Variants in NSD1 observed in about 807,000 individuals in gnomAD.
NSD1 encodes the protein histone-lysine N-methyltransferase, H3 lysine-36 specific.
A neutral mutation model predicts 242.7 loss-of-function variants in NSD1; 26 were observed. The ratio of observed to expected loss-of-function variants is 0.11; its 90% CI spans 0.08 to 0.15. The LOEUF is 0.15. Among genes scored for constraint, NSD1 ranks in the 10% least tolerant of loss-of-function variants. NSD1 has a pLI of 1.00. For synonymous variants in NSD1, 1,106 were observed against 1,178.1 expected (o/e 0.94, Z 1.25); for missense variants, 2,495 against 3,272.8 (o/e 0.76, Z 5.80).
At position 177,190,987 on chromosome 5, in the gene NSD1, T is replaced by C. The variant is rs555467077; in HGVS notation, c.928-897T>C. Among the ~76,000 whole-genome samples, 206 of 141,708 alleles carry C rather than the reference T, an allele frequency of 1.5e-3. 1 individual carries two copies. Among genetic ancestry groups the C allele is most frequent in the South Asian group, 5.5e-3 (24 of 4,368 alleles). 93.0% of individuals were successfully genotyped at this position (141,708 alleles called of 152,430 possible). A position where few individuals can be genotyped will look rare whatever the true frequency, so the allele number is the denominator to read the frequency against. On this transcript the variant is annotated intron_variant, in intron 2 of 22. Coordinates refer to ENST00000439151, the MANE Select transcript of NSD1 (RefSeq NM_022455.5). ...CAGCCTTTTTTTTTTTTTTCTTTTT[T>C]TTTTTTGAAGAGTCTCTCTGTCGCC...
chr5:177,194,105 GT>G (rs1420796730), intron 3 of NSD1, among the ~76,000 whole-genome samples: 10 of 151,904 alleles, frequency 6.6e-5, no homozygotes, highest in African/African-American at 2.4e-4. Context: ...TATACATAAT[GT>G]TTTTTCATAT....
chr5:177,199,338 A>G (rs1037100837), intron 3 of NSD1, among the ~76,000 whole-genome samples: 5 of 152,106 alleles, frequency 3.3e-5, no homozygotes, highest in Admixed American at 6.5e-5. Context: ...GCTCACTGCA[A>G]CCTCTGCCTC....
Position 177,158,938 on chromosome 5 carries a change from G to GTGTA in NSD1, c.927+22909_927+22910insGTAT, listed in dbSNP as rs1554173029. 2.5e-3 allele frequency among the ~76,000 whole-genome samples: 358 copies of GTGTA among 141,774 alleles called. 4 individuals carry two copies. The highest frequency in any genetic ancestry group is 3.7e-3 in the Non-Finnish European group (245 of 66,176). 93.0% of individuals were successfully genotyped at this position (141,774 alleles called of 152,430 possible). ...ATATATAGTTTGTGTGTGTGTGTGT[G>GTGTA]TATATATACACACATATATATATAC... On this transcript the variant is annotated intron_variant, in intron 2 of 22. Transcript: ENST00000439151.
Position 177,295,165 on chromosome 5 carries a change from T to C in NSD1, c.7797T>C (p.Ser2599=). ...LPALAAKSGQ[S]FRSLGKAPAS... Reference sequence around the variant, plus strand: ...CACTTGCCGCCAAGAGTGGGCAATCTTTTAGGTCTCTCGGGAAGGCCCCAG... The same window carrying C: ...CACTTGCCGCCAAGAGTGGGCAATCCTTTAGGTCTCTCGGGAAGGCCCCAG... The change falls in exon 23 of 23, where the codon TCT becomes TCC. Residue 2599 remains serine, a synonymous_variant. Transcript: ENST00000439151. This position sits in a 1 kb window ranked among gnomAD's most constrained non-coding sequence, Gnocchi z 4.3. 1 of 1,614,192 alleles carries C rather than the reference T, an allele frequency of 6.2e-7. No homozygotes were observed. Among genetic ancestry groups the C allele is most frequent in the Non-Finnish European group, 8.5e-7 (1 of 1,180,034 alleles).
intron 2 of NSD1, among the ~76,000 whole-genome samples, chr5:177,174,279 G>A (rs1248993608): frequency 6.6e-6 from 1 of 152,132 alleles, no homozygotes; most frequent in African/African-American, 2.4e-5. Flanking sequence ...ACTTAAACGC[G>A]GGAGGCGGAG....
In NSD1 at chr5:177,292,003, A is replaced by C; in HGVS notation, c.6308A>C (p.Gln2103Pro). 6.2e-7 allele frequency: 1 copy of C among 1,614,118 alleles called. No individual in the cohort carries two copies. The highest frequency in any genetic ancestry group is 8.5e-7 in the Non-Finnish European group (1 of 1,179,994). ...EEKSKKFKKK[Q>P]QGKRRTQGEI... The stretch of plus-strand genomic sequence containing the variant: ...AAGTCAAAGAAATTCAAGAAGAAGC[A>C]ACAGGGAAAGCGCAGGACCCAGGGT... The change falls in exon 22 of 23, where the codon CAA (glutamine) becomes CCA (proline). Residue 2103 changes from glutamine (Q) to proline (P), a missense_variant. Gln to Pro is a moderately conservative substitution (Grantham distance 76, BLOSUM62 -1). This residue lies in a region of NSD1 where 27 missense variants were observed against 33.4 expected (regional missense o/e 0.81). Transcript: ENST00000439151.
rs188487729 is a variant in NSD1, at chr5:177,170,533, A to G, written c.928-21351A>G. 5.8e-3 allele frequency among the ~76,000 whole-genome samples: 874 copies of G among 151,736 alleles called. 7 individuals carry two copies. The highest frequency in any genetic ancestry group is 0.02 in the African/African-American group (840 of 41,382). On this transcript the variant is annotated intron_variant, in intron 2 of 22. Coordinates refer to ENST00000439151, the MANE Select transcript of NSD1 (RefSeq NM_022455.5). ...GCCCGGCTAATTTTTTTTGTATTTT[A>G]GTAGAGACGGGGTTTCACCATGTTG... is the stretch of plus-strand genomic sequence containing the variant.
rs146846853 is a variant in NSD1 at position 177,210,011 on chromosome 5, A to G, written c.1612A>G (p.Ile538Val). ...KIPENLGLNF[I>V]SGDISDTQAS... is the part of the protein sequence containing the mutation. ...TCCAGAGAACCTTGGCCTAAACTTT[A>G]TCTCTGGGGATATATCTGATACGCA... Residue 538 changes from isoleucine (I) to valine (V), a missense_variant, in exon 5 of 23, where the codon ATC becomes GTC. Transcript: ENST00000439151. 2.5e-6 allele frequency: 4 copies of G among 1,614,192 alleles called. No individual in the cohort carries two copies. The highest frequency in any genetic ancestry group is 2.7e-5 in the African/African-American group (2 of 75,052).
upstream of NSD1, among the ~76,000 whole-genome samples, chr5:177,133,438 C>T (rs1472983408): frequency 6.6e-6 from 1 of 151,906 alleles, no homozygotes; most frequent in East Asian, 1.9e-4. This position sits in a 1 kb window ranked among gnomAD's most constrained non-coding sequence, Gnocchi z 6.2. Flanking sequence ...CCACGACGCC[C>T]GCAGGCCCCG....
chr5:177,275,026 G>T (rs1016099640), intron 17 of NSD1, among the ~76,000 whole-genome samples: 1 of 151,470 alleles, frequency 6.6e-6, no homozygotes, highest in African/African-American at 2.4e-5. Flanking sequence ...GAGCCACCAC[G>T]CCCGGCTGTG....
At position 177,242,584 on chromosome 5, in the gene NSD1, A is replaced by G. The variant is rs370444166; in HGVS notation, c.4303-1611A>G. Among the ~76,000 whole-genome samples, 304 of 151,186 alleles carry G rather than the reference A, an allele frequency of 2.0e-3. 1 individual carries two copies. The highest frequency in any genetic ancestry group is 6.3e-3 in the African/African-American group (261 of 41,284). ...CTTTTGTTGTCTAGGCTGGAATGCA[A>G]TGGCACAATCTCGGCTCACCACAAC... On this transcript the variant is annotated intron_variant, in intron 8 of 22. Coordinates refer to ENST00000439151, the MANE Select transcript of NSD1 (RefSeq NM_022455.5).
intron 2 of NSD1, among the ~76,000 whole-genome samples, chr5:177,159,539 C>T (rs1262644838): frequency 6.6e-6 from 1 of 151,600 alleles, no homozygotes; most frequent in Non-Finnish European, 1.5e-5. Context: ...CCACCTAAGC[C>T]TTCCAAAGTG....
chr5:177,207,593 ATTTTTT>A (rs150492535), intron 4 of NSD1, among the ~76,000 whole-genome samples: 20 of 78,214 alleles, frequency 2.6e-4, no homozygotes, highest in African/African-American at 1.3e-3. Flanking sequence ...ATTTATTTAA[ATTTTTT>A]TTTTTTTTTT....
intron 3 of NSD1, among the ~76,000 whole-genome samples, chr5:177,196,067 A>G (rs1383917093): frequency 2.6e-5 from 4 of 152,144 alleles, no homozygotes; most frequent in Admixed American, 1.3e-4. Context: ...TTTGCTAATA[A>G]AGTTATCTCT....
chr5:177,139,334 G>A (rs1756615069), intron 2 of NSD1, among the ~76,000 whole-genome samples: 1 of 147,642 alleles, frequency 6.8e-6, no homozygotes, highest in Admixed American at 6.8e-5. Flanking sequence ...CGTGGTGGCA[G>A]GCTCGGGAGG....
intron 17 of NSD1, among the ~76,000 whole-genome samples, chr5:177,278,687 G>A (rs756441197): frequency 2.6e-5 from 4 of 152,198 alleles, no homozygotes; most frequent in Non-Finnish European, 5.9e-5. Flanking sequence ...GCAGCTAGGT[G>A]CTGTACTATA....
chr5:177,209,727 T>C lies in NSD1; in HGVS notation c.1328T>C (p.Ile443Thr). 1.2e-6 allele frequency: 2 copies of C among 1,614,126 alleles called. No individual in the cohort carries two copies. The highest frequency in any genetic ancestry group is 1.7e-6 in the Non-Finnish European group (2 of 1,179,998). Residue 443 changes from isoleucine to threonine, a missense_variant, in exon 5 of 23, where the codon ATT (isoleucine) becomes ACT (threonine). Ile to Thr is a moderately conservative substitution (Grantham distance 89, BLOSUM62 -1). Coordinates refer to ENST00000439151, the MANE Select transcript of NSD1 (RefSeq NM_022455.5). Reference protein sequence around the residue: ...VPKGSKNRKCIPGSIKLDSEE... With the variant: ...VPKGSKNRKCTPGSIKLDSEE... The stretch of plus-strand genomic sequence containing the variant: ...AAGGGGTCAAAGAACCGAAAATGTA[T>C]TCCTGGTTCAATCAAGTTGGACAGT...
chr5:177,248,562 G>A (rs549555755), intron 11 of NSD1, among the ~76,000 whole-genome samples: 4 of 152,096 alleles, frequency 2.6e-5, no homozygotes, highest in South Asian at 4.2e-4. Flanking sequence ...AATATATGCC[G>A]CGAAACAAGT....
At position 177,135,016 on chromosome 5, in the gene NSD1, G is replaced by A. The variant is rs1581088715; in HGVS notation, c.-17-71G>A. ...CATAGAGGCCACTAGGCCTTGAAGT[G>A]GCTGCCATTTTAAAGAGTCGAGTCA... is the stretch of plus-strand genomic sequence containing the variant. On this transcript the variant is annotated intron_variant, in intron 1 of 22. Coordinates refer to ENST00000439151, the MANE Select transcript of NSD1 (RefSeq NM_022455.5). The A allele has an allele frequency of 3.7e-6, 5 of 1,354,676 alleles. No individual in the cohort carries two copies. The African/African-American group carries it at 7.1e-5, about 19-fold the overall frequency. The allele number at this position is 1,354,676 out of a possible 1,614,324, so 83.9% of individuals were successfully genotyped here. A position where few individuals can be genotyped will look rare whatever the true frequency, so the allele number is the denominator to read the frequency against.
Sources: gnomAD v4.1 joint callset for allele counts (sites outside exome capture counted in the v4.1 genomes callset) on GRCh38, gnomAD v4.1.1 for gene constraint, gnomAD v4.1.1 regional missense constraint, Gnocchi (gnomAD v3.1) non-coding constraint, MANE v1.5 for transcripts, NCBI Gene and HGNC (gene_info 2026-07-23, HGNC 2026-07-21) for gene names.